EPHA7: variants seen among roughly 807,000 people sequenced by gnomAD.
The protein encoded by EPHA7 is ephrin type-A receptor 7.
In EPHA7, 25 loss-of-function variants were observed where a neutral mutation model predicts 112.6. The ratio of observed to expected loss-of-function variants is 0.22; its 90% CI spans 0.16 to 0.31. The LOEUF (loss-of-function observed/expected upper bound fraction) is 0.31, where lower values mean the gene tolerates loss of function less well. Ranked by LOEUF, EPHA7 falls within the 10% of genes least tolerant of loss-of-function variation. The probability of loss-of-function intolerance (pLI) is 1.00; values close to 1 mark genes in which losing one functional copy is unlikely to be tolerated. For missense variants in EPHA7, 962 were observed against 1,212.6 expected (o/e 0.79, Z 3.07); for synonymous variants, 437 against 406.5 (o/e 1.07, Z -0.90).
chr6:93,315,680 A>G (rs1274093367), intron 5 of EPHA7, among the ~76,000 whole-genome samples: 1 of 152,180 alleles, frequency 6.6e-6, no homozygotes, highest in Non-Finnish European at 1.5e-5. Flanking sequence ...AGTGCTCATC[A>G]CTGAATTCTA....
At chr6:93,403,839 C>G (rs1314535194) in intron 3 of EPHA7, among the ~76,000 whole-genome samples, 1 of 151,804 alleles carries the variant, frequency 6.6e-6, no homozygotes. Flanking sequence ...CGCCAGTAAC[C>G]AACATCAGAA....
intron 5 of EPHA7, 56 bp downstream of exon 5, chr6:93,356,661 C>T (rs1301757140): frequency 2.1e-6 from 3 of 1,444,270 alleles, no homozygotes; most frequent in African/African-American, 2.8e-5. Context: ...TCAAGTAAGA[C>T]ACCTCACTTA....
At chr6:93,268,630 CAT>C (rs143977108) in intron 7 of EPHA7, among the ~76,000 whole-genome samples, 83 of 151,750 alleles carry the variant, frequency 5.5e-4, no homozygotes, top group African/African-American at 2.0e-3. Flanking sequence ...AATATAGAAA[CAT>C]GTACTGAGAC....
chr6:93,388,260 T>C (rs938707589), intron 3 of EPHA7, among the ~76,000 whole-genome samples: 7 of 152,174 alleles, frequency 4.6e-5, no homozygotes, highest in African/African-American at 1.7e-4. Flanking sequence ...ACCATAAGGA[T>C]ATTCATAATA....
At chr6:93,367,231 T>C (rs1024320855) in intron 3 of EPHA7, among the ~76,000 whole-genome samples, 1 of 152,186 alleles carries the variant, frequency 6.6e-6, no homozygotes, top group Admixed American at 6.5e-5. Flanking sequence ...GGAGAGTTCT[T>C]ACCCCACAAT....
chr6:93,251,410 C>A (rs1215313736), intron 14 of EPHA7, among the ~76,000 whole-genome samples: 2 of 151,614 alleles, frequency 1.3e-5, no homozygotes, highest in African/African-American at 4.8e-5. Context: ...ATCCTAATAT[C>A]TACCTACTAG....
intron 3 of EPHA7, among the ~76,000 whole-genome samples, chr6:93,358,862 TTAATG>T (rs1181423897): frequency 6.6e-6 from 1 of 152,182 alleles, no homozygotes; most frequent in Non-Finnish European, 1.5e-5. Context: ...TTGAAAAACA[TTAATG>T]TAACTTTAAT....
At chr6:93,360,532 G>A (rs759710889) in intron 3 of EPHA7, among the ~76,000 whole-genome samples, 7 of 152,050 alleles carry the variant, frequency 4.6e-5, no homozygotes, top group East Asian at 1.9e-4. Context: ...ATGGCAACAC[G>A]ATTTAACATT....
At chr6:93,344,470 T>C (rs1417976927) in intron 5 of EPHA7, among the ~76,000 whole-genome samples, 1 of 151,604 alleles carries the variant, frequency 6.6e-6, no homozygotes, top group African/African-American at 2.4e-5. Context: ...TTCAGACTCA[T>C]TCTCTGTCTT....
At chr6:93,414,661 C>T (rs768172785) in intron 2 of EPHA7, 42 bp downstream of exon 2, 2 of 1,493,350 alleles carry the variant, frequency 1.3e-6, no homozygotes, top group Admixed American at 1.7e-5. Flanking sequence ...CGTTTTGTTT[C>T]TTATTTTAAA....
chr6:93,385,669 A>G (rs1020056830), intron 3 of EPHA7, among the ~76,000 whole-genome samples: 3 of 152,030 alleles, frequency 2.0e-5, no homozygotes, highest in African/African-American at 7.2e-5. Context: ...TTGTAAAATT[A>G]TATATAAATA....
In EPHA7 at chr6:93,243,482, T is replaced by G; in HGVS notation, c.2941A>C (p.Ile981Leu). The G allele has an allele frequency of 6.2e-7, 1 of 1,613,678 alleles. No individual in the cohort carries two copies. The highest frequency in any genetic ancestry group is 8.5e-7 in the Non-Finnish European group (1 of 1,179,658). ...AGCATTTGTGCTCTCATAGTCTGAA[T>G]GCTGCTCATGATTTTCTTTTGATGA... ...VGHQKKIMSSIQTMRAQMLHL... is the reference protein window; with the variant it reads ...VGHQKKIMSSLQTMRAQMLHL... The change falls in exon 17 of 17, where the codon ATT becomes CTT. Residue 981 changes from isoleucine to leucine, a missense_variant. Coordinates refer to ENST00000369303, the MANE Select transcript of EPHA7 (RefSeq NM_004440.4).
At chr6:93,385,580 A>G (rs1777557777) in intron 3 of EPHA7, among the ~76,000 whole-genome samples, 1 of 152,018 alleles carries the variant, frequency 6.6e-6, no homozygotes, top group African/African-American at 2.4e-5. Flanking sequence ...AAGTACTTGC[A>G]CCCCACTTAT....
intron 12 of EPHA7, 115 bp from the exon 13 acceptor site, chr6:93,256,152 AT>A: frequency 1.2e-6 from 1 of 828,552 alleles, no homozygotes; most frequent in Non-Finnish European, 1.9e-6. Flanking sequence ...GGAATTGTTA[AT>A]TTTTTATATA....
intron 11 of EPHA7, 130 bp from the exon 12 acceptor site, chr6:93,257,653 A>G: frequency 1.6e-6 from 1 of 619,002 alleles, no homozygotes; most frequent in Non-Finnish European, 2.8e-6. Context: ...CATTTCTTTT[A>G]TTGTTGCTGC....
chr6:93,270,915 A>T (rs1771186154), intron 6 of EPHA7, among the ~76,000 whole-genome samples: 1 of 151,804 alleles, frequency 6.6e-6, no homozygotes, highest in Non-Finnish European at 1.5e-5. Flanking sequence ...AATTTAGTGA[A>T]TGTAGATTTC....
chr6:93,310,534 G>A (rs922760166), intron 5 of EPHA7, among the ~76,000 whole-genome samples: 4 of 151,836 alleles, frequency 2.6e-5, no homozygotes, highest in Admixed American at 1.3e-4. Context: ...GCGTGGTGGC[G>A]GGCGCCTGTA....
At chr6:93,414,671 A>G (rs1263502355) in intron 2 of EPHA7, 32 bp downstream of exon 2, 1 of 1,548,460 alleles carries the variant, frequency 6.5e-7, no homozygotes, top group East Asian at 2.3e-5. Flanking sequence ...CTTATTTTAA[A>G]AAAGTGATAT....
intron 5 of EPHA7, among the ~76,000 whole-genome samples, chr6:93,334,621 T>G (rs1364746249): frequency 6.6e-6 from 1 of 152,020 alleles, no homozygotes; most frequent in East Asian, 1.9e-4. Context: ...AGAACAAACT[T>G]AATATATAAT....
Sources: gnomAD v4.1 joint callset for allele counts (sites outside exome capture counted in the v4.1 genomes callset) on GRCh38, gnomAD v4.1.1 for gene constraint, MANE v1.5 for transcripts, NCBI Gene and HGNC (gene_info 2026-07-23, HGNC 2026-07-21) for gene names.